The following ZFHX3 variants were observed in gnomAD, a reference collection of about 807,000 sequenced individuals.
The protein encoded by ZFHX3 is zinc finger homeobox protein 3.
Under a neutral mutation model 279.1 loss-of-function variants are expected in ZFHX3, and 42 were observed. The ratio of observed to expected loss-of-function variants is 0.15; its 90% confidence interval spans 0.12 to 0.19. ZFHX3 has a LOEUF of 0.19. Among genes scored for constraint, ZFHX3 ranks in the 10% least tolerant of loss-of-function variants. ZFHX3 has a pLI of 1.00. For synonymous variants in ZFHX3, 2,293 were observed against 1,957.8 expected, an observed-to-expected ratio of 1.17 and a Z score of -4.52; for missense variants, 4,981 against 4,754.0, an observed-to-expected ratio of 1.05 and a Z score of -1.40.
chr16:72,951,556 C>T (rs1961003527), intron 2 of ZFHX3, among the ~76,000 whole-genome samples: 2 of 152,302 alleles, frequency 1.3e-5, no homozygotes, highest in African/African-American at 2.4e-5. Context: ...GCCACCGCGC[C>T]CAGCCACCTC....
intron 7 of ZFHX3, among the ~76,000 whole-genome samples, chr16:73,104,557 G>T (rs1304273083): frequency 1.3e-5 from 2 of 152,068 alleles, no homozygotes; most frequent in African/African-American, 2.4e-5. Flanking sequence ...TGACCATTTG[G>T]GCAAATCTCT....
At chr16:72,853,960 A>G (rs543706620) in intron 4 of ZFHX3, among the ~76,000 whole-genome samples, 7 of 152,218 alleles carry the variant, frequency 4.6e-5, no homozygotes, top group South Asian at 2.1e-4. Context: ...AGGAAAAAAA[A>G]AAAAGAAAAG....
chr16:73,286,979 C>A (rs1251532193), intron 4 of ZFHX3, among the ~76,000 whole-genome samples: 6 of 73,542 alleles, frequency 8.2e-5, no homozygotes, highest in African/African-American at 2.7e-4. Context: ...TGTGGGTCAG[C>A]GTGTGGGTGT....
intron 7 of ZFHX3, among the ~76,000 whole-genome samples, chr16:72,802,567 G>A (rs544434171): frequency 6.6e-6 from 1 of 152,278 alleles, no homozygotes; most frequent in South Asian, 2.1e-4. Context: ...AAAAAAGGGG[G>A]GGTTGGTATA....
intron 4 of ZFHX3, among the ~76,000 whole-genome samples, chr16:72,842,480 C>A (rs901545618): frequency 1.3e-5 from 2 of 152,042 alleles, no homozygotes; most frequent in Admixed American, 6.5e-5. Flanking sequence ...CTTTGTAAGG[C>A]CAAGATTTTA....
intron 2 of ZFHX3, among the ~76,000 whole-genome samples, chr16:73,488,574 T>C (rs1398038279): frequency 1.3e-5 from 2 of 152,078 alleles, no homozygotes; most frequent in African/African-American, 2.4e-5. Flanking sequence ...AAATAAACAC[T>C]GGGGATGGGG....
chr16:73,182,805 T>C (rs1299980693), intron 5 of ZFHX3, among the ~76,000 whole-genome samples: 1 of 149,250 alleles, frequency 6.7e-6, no homozygotes, highest in Non-Finnish European at 1.5e-5. Context: ...CAATACTGCA[T>C]GCTCTCACTT....
chr16:72,953,343 G>GGCCAGGCAACATCCAGGAAACATACTC (rs1266636007), intron 2 of ZFHX3, among the ~76,000 whole-genome samples: 1 of 151,626 alleles, frequency 6.6e-6, no homozygotes, highest in Admixed American at 6.6e-5. Context: ...CGGGGACGAA[G>GGCCAGGCAACATCCAGGAAACATACTC]GCCAGGCAAC....
intron 8 of ZFHX3, among the ~76,000 whole-genome samples, chr16:73,074,583 A>G (rs910855593): frequency 2.6e-5 from 4 of 152,106 alleles, no homozygotes; most frequent in Admixed American, 2.6e-4. Context: ...TGAGAATGAT[A>G]ATGACAATGA....
chr16:72,943,530 T>G (rs565687472), intron 3 of ZFHX3, among the ~76,000 whole-genome samples: 2 of 152,070 alleles, frequency 1.3e-5, no homozygotes, highest in South Asian at 4.2e-4. Flanking sequence ...AGACCCAGTC[T>G]CAAAAAAACA....
chr16:73,870,822 C>T (rs1489739029), intron 1 of ZFHX3, among the ~76,000 whole-genome samples: 2 of 152,254 alleles, frequency 1.3e-5, no homozygotes, highest in Admixed American at 6.5e-5. Flanking sequence ...GCAACTCAGG[C>T]GTGGGTGGAG....
intron 2 of ZFHX3, among the ~76,000 whole-genome samples, chr16:73,616,428 G>GAAA (rs201127158): frequency 9.4e-5 from 12 of 128,278 alleles, no homozygotes; most frequent in African/African-American, 3.5e-4. Flanking sequence ...AACTATGGAG[G>GAAA]AAAAAAAAAA....
In ZFHX3 at chr16:72,829,853, G is replaced by T; in HGVS notation, c.3455C>A (p.Ala1152Asp). The T allele has an allele frequency of 6.2e-7, 1 of 1,614,158 alleles. No homozygotes were observed. The highest frequency in any genetic ancestry group is 8.5e-7 in the Non-Finnish European group (1 of 1,180,022). ...RRCPSTDPEE[A>D]IEDVEGPSET... ...ACTGGGTCCTTCAACATCTTCAATG[G>T]CTTCTTCTGAAACAGAAGAAAAACA... Residue 1152 changes from alanine to aspartate, a missense_variant, in exon 5 of 10, where the codon GCC (alanine) becomes GAC (aspartate). Around this residue, in one of 7 missense-constraint regions of ZFHX3, gnomAD observed 1,751 missense variants for 1,770.0 expected, o/e 0.99. Coordinates refer to ENST00000268489, the MANE Select transcript of ZFHX3 (RefSeq NM_006885.4).
chr16:73,166,012 G>C (rs929780960), intron 5 of ZFHX3, among the ~76,000 whole-genome samples: 1 of 152,132 alleles, frequency 6.6e-6, no homozygotes, highest in Non-Finnish European at 1.5e-5. Context: ...AAAACCAGGA[G>C]GATAAACTGA....
intron 7 of ZFHX3, among the ~76,000 whole-genome samples, chr16:73,097,892 C>T (rs1286399828): frequency 1.3e-5 from 2 of 152,136 alleles, no homozygotes; most frequent in Non-Finnish European, 2.9e-5. Flanking sequence ...TCATCCATGT[C>T]ATAAGATGTA....
intron 2 of ZFHX3, among the ~76,000 whole-genome samples, chr16:73,497,393 G>A (rs2019159830): frequency 1.3e-5 from 2 of 152,248 alleles, no homozygotes; most frequent in Non-Finnish European, 2.9e-5. Flanking sequence ...TTGAGGTCAG[G>A]TGCAGTGGCT....
chr16:73,467,140 T>A (rs1425749104), intron 2 of ZFHX3, among the ~76,000 whole-genome samples: 1 of 152,106 alleles, frequency 6.6e-6, no homozygotes, highest in African/African-American at 2.4e-5. Flanking sequence ...TCTTTGCATC[T>A]CAAGAAGTCA....
intron 1 of ZFHX3, among the ~76,000 whole-genome samples, chr16:73,704,591 T>G (rs1335176279): frequency 6.6e-6 from 1 of 152,184 alleles, no homozygotes; most frequent in Non-Finnish European, 1.5e-5. Flanking sequence ...TCATTTACCC[T>G]TAAGAGAAAG....
At chr16:73,781,868 T>C in intron 1 of ZFHX3, among the ~76,000 whole-genome samples, 1 of 152,100 alleles carries the variant, frequency 6.6e-6, no homozygotes, top group East Asian at 1.9e-4. Flanking sequence ...GCATCTGTAA[T>C]CCCAGCTACT....
Sources: allele counts gnomAD v4.1 joint callset (sites outside exome capture counted in the v4.1 genomes callset), GRCh38; gene constraint gnomAD v4.1.1; regional missense constraint gnomAD v4.1.1; transcripts MANE v1.5; gene names NCBI Gene and HGNC (gene_info 2026-07-23, HGNC 2026-07-21).